The following IQCJ variants were observed in gnomAD, a reference collection of about 807,000 sequenced individuals.
The protein encoded by IQCJ is IQ domain-containing protein J.
Under a neutral mutation model 11.0 loss-of-function variants are expected in IQCJ, and 9 were observed. That is an observed-to-expected ratio of 0.82 (90% confidence interval 0.49 to 1.43). IQCJ has a LOEUF of 1.43. Among genes scored for constraint, IQCJ ranks in the 40% most tolerant of loss-of-function variants. The probability of loss-of-function intolerance (pLI) is 0.00; values close to 1 mark genes in which losing one functional copy is unlikely to be tolerated. For missense variants in IQCJ, 146 were observed against 133.2 expected, an observed-to-expected ratio of 1.10 and a Z score of -0.47; for synonymous variants, 55 against 51.3, an observed-to-expected ratio of 1.07 and a Z score of -0.31.
intron 1 of IQCJ, among the ~76,000 whole-genome samples, chr3:159,175,120 T>C (rs1168154001): frequency 6.6e-6 from 1 of 152,226 alleles, no homozygotes; most frequent in South Asian, 2.1e-4. Flanking sequence ...CTAATTTTAA[T>C]GTACGATTCT....
chr3:159,193,405 C>G (rs549822250), intron 1 of IQCJ, among the ~76,000 whole-genome samples: 1 of 152,312 alleles, frequency 6.6e-6, no homozygotes, highest in Non-Finnish European at 1.5e-5. Context: ...TCAGCTGAGT[C>G]CAGCAGCTTC....
intron 1 of IQCJ, among the ~76,000 whole-genome samples, chr3:159,081,051 C>CATA (rs1716270819): frequency 6.6e-6 from 1 of 152,022 alleles, no homozygotes; most frequent in Non-Finnish European, 1.5e-5. Flanking sequence ...AACAAGATAT[C>CATA]CTGAGACAGA....
chr3:159,235,157 C>T (rs972434442), intron 1 of IQCJ, among the ~76,000 whole-genome samples: 1 of 152,154 alleles, frequency 6.6e-6, no homozygotes, highest in African/African-American at 2.4e-5. Flanking sequence ...GGATAATTTT[C>T]TCAGAAGGCA....
At chr3:159,162,796 T>C (rs918211088) in intron 1 of IQCJ, among the ~76,000 whole-genome samples, 2 of 152,106 alleles carry the variant, frequency 1.3e-5, no homozygotes, top group African/African-American at 4.8e-5. Context: ...TACAAACACC[T>C]CTATGCAAAT....
chr3:159,228,866 C>A (rs1726019406), intron 1 of IQCJ, among the ~76,000 whole-genome samples: 1 of 151,606 alleles, frequency 6.6e-6, no homozygotes, highest in South Asian at 2.1e-4. Flanking sequence ...GTATGGGTAT[C>A]TCTATTTAAG....
intron 1 of IQCJ, among the ~76,000 whole-genome samples, chr3:159,181,881 A>G (rs969552190): frequency 3.3e-5 from 5 of 151,626 alleles, no homozygotes; most frequent in Non-Finnish European, 7.3e-5. Context: ...GTCCATTGTC[A>G]TGCAGCCACT....
At chr3:159,094,392 A>G (rs1717566562) in intron 1 of IQCJ, among the ~76,000 whole-genome samples, 1 of 121,178 alleles carries the variant, frequency 8.3e-6, no homozygotes, top group Non-Finnish European at 1.8e-5. Context: ...TTTTTGTTTT[A>G]ATTCTCTGCA....
At chr3:159,225,707 A>G (rs752913133) in intron 1 of IQCJ, among the ~76,000 whole-genome samples, 1 of 151,746 alleles carries the variant, frequency 6.6e-6, no homozygotes, top group Non-Finnish European at 1.5e-5. Flanking sequence ...GTGGACACCA[A>G]CTCGGTTCAT....
intron 1 of IQCJ, among the ~76,000 whole-genome samples, chr3:159,176,444 A>G (rs1346050839): frequency 6.6e-6 from 1 of 152,180 alleles, no homozygotes; most frequent in Non-Finnish European, 1.5e-5. Context: ...ATCTTACTAC[A>G]CTTAACAGTG....
At chr3:159,079,705 C>T (rs1483475077) in intron 1 of IQCJ, among the ~76,000 whole-genome samples, 1 of 152,030 alleles carries the variant, frequency 6.6e-6, no homozygotes, top group East Asian at 1.9e-4. Context: ...GTACATCTTT[C>T]CATGTCAATA....
chr3:159,105,562 G>T (rs140650040), intron 1 of IQCJ, among the ~76,000 whole-genome samples: 85 of 152,276 alleles, frequency 5.6e-4, no homozygotes, highest in African/African-American at 1.9e-3. Context: ...ATGTTAAGAG[G>T]CTTGAGAGTG....
At position 159,216,323 on chromosome 3, in the gene IQCJ, T is replaced by G. The variant is rs1296632829; in HGVS notation, c.10-29520T>G. ...AGCATATTTGCTGAAGTATCTTTCT[T>G]TTGATAAATAATGCTATTTCTCCTC... is the stretch of plus-strand genomic sequence containing the variant. On this transcript the variant is annotated intron_variant, in intron 1 of 3. Transcript: ENST00000397832. Among the ~76,000 whole-genome samples the G allele has an allele frequency of 2.0e-5, 3 of 152,198 alleles. No individual in the cohort carries two copies. The East Asian group carries it at 5.8e-4, about 29-fold the overall frequency.
chr3:159,263,620 G>A lies in IQCJ; in HGVS notation c.*889G>A. On this transcript the variant is annotated 3_prime_UTR_variant, in exon 4 of 4. Coordinates refer to ENST00000397832, the MANE Select transcript of IQCJ (RefSeq NM_001042706.3). ...TCCAAAAATTTTTCTTTTACTTTTGGTTATCATGTTTATTCTGTGGTAAAA... is the reference window on the plus strand; with the variant it reads ...TCCAAAAATTTTTCTTTTACTTTTGATTATCATGTTTATTCTGTGGTAAAA... 1.0e-6 allele frequency: 1 copy of A among 985,162 alleles called. No individual in the cohort carries two copies. Among genetic ancestry groups the A allele is most frequent in the Non-Finnish European group, 1.2e-6 (1 of 829,750 alleles). The allele number at this position is 985,162 out of a possible 1,614,324, so 61.0% of individuals were successfully genotyped here. A position where few individuals can be genotyped will look rare whatever the true frequency, so the allele number is the denominator to read the frequency against.
At chr3:159,240,221 TATCTATC>T (rs1179974529) in intron 1 of IQCJ, among the ~76,000 whole-genome samples, 8 of 152,212 alleles carry the variant, frequency 5.3e-5, no homozygotes, top group Admixed American at 2.0e-4. Flanking sequence ...ATAATCTATC[TATCTATC>T]ATCTATCATC....
intron 1 of IQCJ, among the ~76,000 whole-genome samples, chr3:159,110,853 C>T (rs894374143): frequency 3.3e-5 from 5 of 152,058 alleles, no homozygotes; most frequent in East Asian, 1.9e-4. Flanking sequence ...AGTTGAGATC[C>T]ATTATGCTTA....
At chr3:159,189,753 C>G (rs1425739959) in intron 1 of IQCJ, among the ~76,000 whole-genome samples, 2 of 152,186 alleles carry the variant, frequency 1.3e-5, no homozygotes, top group Non-Finnish European at 2.9e-5. Context: ...ACTAGTCGTT[C>G]CCCTTCTGAA....
chr3:159,216,026 G>A (rs1725206665), intron 1 of IQCJ, among the ~76,000 whole-genome samples: 1 of 145,762 alleles, frequency 6.9e-6, no homozygotes, highest in Non-Finnish European at 1.5e-5. Context: ...CTAACTGTAA[G>A]ATTTTTCTCC....
At chr3:159,153,969 C>T (rs1721369761) in intron 1 of IQCJ, among the ~76,000 whole-genome samples, 3 of 152,144 alleles carry the variant, frequency 2.0e-5, no homozygotes, top group Non-Finnish European at 1.5e-5. Context: ...CATCTTCCTC[C>T]CCAAATTCTG....
chr3:159,264,864 C>T (rs1163105488), downstream of IQCJ, among the ~76,000 whole-genome samples: 1 of 150,990 alleles, frequency 6.6e-6, no homozygotes, highest in African/African-American at 2.4e-5. Flanking sequence ...TTGCAGTGAG[C>T]CGAGATTGCG....
Sources: gnomAD v4.1 joint callset for allele counts (sites outside exome capture counted in the v4.1 genomes callset) on GRCh38, gnomAD v4.1.1 for gene constraint, MANE v1.5 for transcripts, NCBI Gene and HGNC (gene_info 2026-07-23, HGNC 2026-07-21) for gene names.